CSMD3: variants seen among roughly 807,000 people sequenced by gnomAD.
The protein encoded by CSMD3 is CUB and sushi domain-containing protein 3.
In CSMD3, 177 loss-of-function variants were observed where a neutral mutation model predicts 435.2. That is an observed-to-expected ratio of 0.41 (90% CI 0.36 to 0.46). The LOEUF (loss-of-function observed/expected upper bound fraction) is 0.46. Among genes scored for constraint, CSMD3 ranks in the 20% least tolerant of loss-of-function variants. The pLI is 0.34. For synonymous variants in CSMD3, 1,656 were observed against 1,520.5 expected, an observed-to-expected ratio of 1.09 and a Z score of -2.07; for missense variants, 4,265 against 4,504.6, an observed-to-expected ratio of 0.95 and a Z score of 1.52.
chr8:113,229,165 T>C (rs914192560), intron 3 of CSMD3, among the ~76,000 whole-genome samples: 4 of 151,638 alleles, frequency 2.6e-5, no homozygotes, highest in Non-Finnish European at 5.9e-5. Flanking sequence ...TATGTGAAAT[T>C]ATATTGGGCA....
At chr8:112,588,188 C>G (rs920498343) in intron 22 of CSMD3, among the ~76,000 whole-genome samples, 1 of 148,508 alleles carries the variant, frequency 6.7e-6, no homozygotes, top group Non-Finnish European at 1.5e-5. Flanking sequence ...AAAAAAAAAA[C>G]AAGTTGTTAT....
intron 32 of CSMD3, among the ~76,000 whole-genome samples, chr8:112,459,919 C>G (rs1452216855): frequency 6.6e-6 from 1 of 152,012 alleles, no homozygotes; most frequent in African/African-American, 2.4e-5. Context: ...CTGGAATGTC[C>G]TTCTCCAGCT....
intron 4 of CSMD3, among the ~76,000 whole-genome samples, chr8:113,149,352 C>T (rs893718732): frequency 2.6e-5 from 4 of 151,770 alleles, no homozygotes; most frequent in African/African-American, 9.7e-5. Context: ...ATTGTCTTCC[C>T]TCATTATTTT....
Position 112,975,988 on chromosome 8 carries a change from T to A in CSMD3, c.1191A>T (p.Gln397His), listed in dbSNP as rs2130933576. Residue 397 changes from glutamine (Q) to histidine (H), a missense_variant, in exon 7 of 71, where the codon CAA becomes CAT. Transcript: ENST00000297405. The stretch of plus-strand genomic sequence containing the variant: ...GACCTGAATTTCTGAGACTCGTAAC[T>A]TGCACTCGCTGTTCCTCGGAAAGTC... ...IHRLSEEQRV[Q>H]VTSLRNSGLD... is the part of the protein sequence containing the mutation. 1.9e-6 allele frequency: 3 copies of A among 1,614,040 alleles called. No individual in the cohort carries two copies. The highest frequency in any genetic ancestry group is 2.5e-6 in the Non-Finnish European group (3 of 1,179,958).
At chr8:112,280,764 C>T (rs181971629) in intron 59 of CSMD3, among the ~76,000 whole-genome samples, 6 of 152,160 alleles carry the variant, frequency 3.9e-5, no homozygotes, top group South Asian at 2.1e-4. Flanking sequence ...AGACTCACTA[C>T]GACAGTGCAA....
At chr8:113,341,833 G>A (rs1016465399) in intron 1 of CSMD3, among the ~76,000 whole-genome samples, 5 of 152,104 alleles carry the variant, frequency 3.3e-5, no homozygotes, top group Admixed American at 2.6e-4. Context: ...CTAGACTGAC[G>A]AACACTTCCA....
At chr8:112,622,871 T>C (rs191972017) in intron 22 of CSMD3, among the ~76,000 whole-genome samples, 2 of 152,212 alleles carry the variant, frequency 1.3e-5, no homozygotes, top group African/African-American at 2.4e-5. Context: ...GAAATCAACA[T>C]ACTTAATAAA....
intron 27 of CSMD3, among the ~76,000 whole-genome samples, chr8:112,549,811 G>T (rs1429392381): frequency 6.6e-6 from 1 of 151,872 alleles, no homozygotes; most frequent in Non-Finnish European, 1.5e-5. Flanking sequence ...ACTAGGTAAC[G>T]TGCCCAAAAT....
chr8:112,257,623 A>T (rs1006373328), intron 61 of CSMD3, among the ~76,000 whole-genome samples: 1 of 152,222 alleles, frequency 6.6e-6, no homozygotes, highest in Non-Finnish European at 1.5e-5. Flanking sequence ...TGCTCAAGGA[A>T]ATCAGAGAGG....
intron 38 of CSMD3, among the ~76,000 whole-genome samples, chr8:112,376,087 G>C (rs967231142): frequency 6.6e-6 from 1 of 152,218 alleles, no homozygotes; most frequent in African/African-American, 2.4e-5. Flanking sequence ...CTCACCCCAA[G>C]TGTCACCTCC....
chr8:112,786,120 A>T (rs1017733526), intron 13 of CSMD3, among the ~76,000 whole-genome samples: 3 of 152,156 alleles, frequency 2.0e-5, no homozygotes, highest in Non-Finnish European at 4.4e-5. Flanking sequence ...CCAGAAATAA[A>T]TCCATACATT....
intron 5 of CSMD3, among the ~76,000 whole-genome samples, chr8:113,055,572 T>C (rs1211380931): frequency 1.3e-5 from 2 of 152,206 alleles, no homozygotes; most frequent in East Asian, 3.9e-4. Flanking sequence ...ATCCTAAATT[T>C]TCCCTTGAGC....
At chr8:112,408,812 T>A in intron 33 of CSMD3, 107 bp downstream of exon 33, 1 of 1,562,130 alleles carries the variant, frequency 6.4e-7, no homozygotes, top group Admixed American at 1.9e-5. Context: ...ATTTTCAGTT[T>A]GCTTTATTTC....
chr8:113,217,356 TCAG>T (rs2092917065), intron 3 of CSMD3, among the ~76,000 whole-genome samples: 1 of 151,228 alleles, frequency 6.6e-6, no homozygotes, highest in African/African-American at 2.4e-5. Flanking sequence ...TGACCCGTGA[TCAG>T]ACAAAATAGG....
In CSMD3 at chr8:113,108,914, T is replaced by A. The variant is rs73340264; in HGVS notation, c.710-9951A>T. Reference sequence around the variant, plus strand: ...GTCACAATCAAAATACTGGCAAATGTGCATGTGTAAATTGACAAGCTGATT... The same window carrying A: ...GTCACAATCAAAATACTGGCAAATGAGCATGTGTAAATTGACAAGCTGATT... On this transcript the variant is annotated intron_variant, in intron 4 of 70. Transcript: ENST00000297405. Among the ~76,000 whole-genome samples the A allele has an allele frequency of 8.3e-3, 1,257 of 152,286 alleles. 29 individuals carry two copies. Among genetic ancestry groups the A allele is most frequent in the African/African-American group, 0.029 (1,189 of 41,562 alleles).
chr8:113,318,739 C>A (rs2132694112), intron 1 of CSMD3, among the ~76,000 whole-genome samples: 1 of 150,526 alleles, frequency 6.6e-6, no homozygotes, highest in East Asian at 1.9e-4. Flanking sequence ...CTAAGTCCAT[C>A]CAGGTTGTAG....
intron 59 of CSMD3, among the ~76,000 whole-genome samples, chr8:112,268,638 G>A (rs949946204): frequency 2.9e-4 from 44 of 152,000 alleles, no homozygotes; most frequent in African/African-American, 9.9e-4. Flanking sequence ...TGCAACCAAA[G>A]ACCTATGGAC....
chr8:112,358,180 C>T (rs372396690), intron 38 of CSMD3, among the ~76,000 whole-genome samples: 4 of 152,204 alleles, frequency 2.6e-5, no homozygotes, highest in African/African-American at 7.2e-5. Context: ...TGCATGGGGC[C>T]TGTAGCACCT....
intron 59 of CSMD3, among the ~76,000 whole-genome samples, chr8:112,279,500 A>G (rs150576627): frequency 7.2e-5 from 11 of 152,328 alleles, no homozygotes; most frequent in African/African-American, 2.2e-4. Flanking sequence ...GGCATTTACA[A>G]TCAGCTTGGT....
Sources: gnomAD v4.1 joint callset for allele counts (sites outside exome capture counted in the v4.1 genomes callset) on GRCh38, gnomAD v4.1.1 for gene constraint, MANE v1.5 for transcripts, NCBI Gene and HGNC (gene_info 2026-07-23, HGNC 2026-07-21) for gene names.